DPYD: variants seen among roughly 807,000 people sequenced by gnomAD.
DPYD encodes the protein dihydropyrimidine dehydrogenase, also known as dihydropyrimidine dehydrogenase [NADP(+)].
Under a neutral mutation model 116.2 loss-of-function variants are expected in DPYD, and 109 were observed. The ratio of observed to expected loss-of-function variants is 0.94; its 90% CI spans 0.80 to 1.10. The LOEUF is 1.10. DPYD is among the 50% of genes least tolerant of loss of function. The pLI is 0.00. For missense variants in DPYD, 1,302 were observed against 1,254.5 expected (o/e 1.04, Z -0.57); for synonymous variants, 440 against 432.0 (o/e 1.02, Z -0.23).
At chr1:97,429,285 A>C (rs1471377498) in intron 14 of DPYD, among the ~76,000 whole-genome samples, 1 of 152,038 alleles carries the variant, frequency 6.6e-6, no homozygotes, top group Non-Finnish European at 1.5e-5. Flanking sequence ...ATGCTTTCTA[A>C]GTTGTTTTAT....
chr1:97,650,186 T>G (rs191496521), intron 8 of DPYD, among the ~76,000 whole-genome samples: 2 of 152,094 alleles, frequency 1.3e-5, no homozygotes, highest in Non-Finnish European at 2.9e-5. Context: ...TTATGTGATG[T>G]GTTGTACTGA....
chr1:97,518,866 G>C (rs1648429927), intron 12 of DPYD, among the ~76,000 whole-genome samples: 1 of 151,940 alleles, frequency 6.6e-6, no homozygotes, highest in Non-Finnish European at 1.5e-5. Context: ...TATGTACAAA[G>C]TAAAACTGTG....
At chr1:97,352,966 AG>A (rs1219697877) in intron 16 of DPYD, among the ~76,000 whole-genome samples, 3 of 152,130 alleles carry the variant, frequency 2.0e-5, no homozygotes, top group African/African-American at 7.2e-5. Context: ...AGATCAAGCA[AG>A]GGGGGTGGGG....
At chr1:97,085,133 G>A (rs1025827445) in intron 21 of DPYD, among the ~76,000 whole-genome samples, 4 of 152,074 alleles carry the variant, frequency 2.6e-5, no homozygotes, top group African/African-American at 7.2e-5. Context: ...GGCTGTAAAA[G>A]CCCATTTATA....
intron 14 of DPYD, among the ~76,000 whole-genome samples, chr1:97,423,117 A>G (rs1674674140): frequency 6.6e-6 from 1 of 152,018 alleles, no homozygotes. Context: ...GCTGTCATGG[A>G]AGCAGACAGT....
At chr1:97,724,953 A>AAGAGAGAGAGAGAGAG (rs71590231) in intron 4 of DPYD, among the ~76,000 whole-genome samples, 47 of 118,912 alleles carry the variant, frequency 4.0e-4, no homozygotes, top group African/African-American at 1.0e-3. Flanking sequence ...GAGGGAAGGA[A>AAGAGAGAGAGAGAGAG]AGAGAGAGAG....
At position 97,679,110 on chromosome 1, in the gene DPYD, C is replaced by A; in HGVS notation, c.835G>T (p.Ala279Ser). The A allele has an allele frequency of 1.3e-6, 2 of 1,568,092 alleles. No individual in the cohort carries two copies. Among genetic ancestry groups the A allele is most frequent in the Non-Finnish European group, 1.7e-6 (2 of 1,149,590 alleles). ...AACTACTCACCTATTCCAATGAAAG[C>A]AGCTTTGTAGCCTTTTTCTTTCAAA... ...STLKEKGYKA[A>S]FIGIGLPEPN... The change falls in exon 8 of 23, where the codon GCT becomes TCT. Residue 279 changes from alanine to serine, a missense_variant. Ala to Ser is a moderately conservative substitution (Grantham distance 99, BLOSUM62 1). Transcript: ENST00000370192.
intron 2 of DPYD, among the ~76,000 whole-genome samples, chr1:97,860,444 T>G (rs1314565372): frequency 6.6e-6 from 1 of 152,162 alleles, no homozygotes; most frequent in Non-Finnish European, 1.5e-5. Flanking sequence ...ACATAAGGTA[T>G]TAAGGTATTA....
At chr1:97,616,715 A>G (rs1200952274) in intron 8 of DPYD, among the ~76,000 whole-genome samples, 1 of 152,200 alleles carries the variant, frequency 6.6e-6, no homozygotes, top group Non-Finnish European at 1.5e-5. Context: ...GAAGAAATAT[A>G]TATCCTAGGT....
chr1:97,249,297 T>C (rs1213580241), intron 18 of DPYD, among the ~76,000 whole-genome samples: 1 of 152,050 alleles, frequency 6.6e-6, no homozygotes, highest in East Asian at 1.9e-4. Context: ...AATTAATTTT[T>C]GACCAAGGCA....
intron 2 of DPYD, among the ~76,000 whole-genome samples, chr1:97,868,348 C>A (rs1017041886): frequency 2.0e-5 from 3 of 151,644 alleles, no homozygotes; most frequent in African/African-American, 7.3e-5. Flanking sequence ...AACATACTAT[C>A]TTGATAACAA....
intron 20 of DPYD, among the ~76,000 whole-genome samples, chr1:97,134,012 AAAATATATAT>A (rs1399036877): frequency 1.4e-4 from 7 of 48,800 alleles, no homozygotes; most frequent in Non-Finnish European, 1.9e-4. Flanking sequence ...AAAAAAAAAA[AAAATATATAT>A]ATATATATAT....
intron 18 of DPYD, among the ~76,000 whole-genome samples, chr1:97,293,972 C>T (rs1666369908): frequency 1.3e-5 from 2 of 151,886 alleles, no homozygotes; most frequent in South Asian, 4.2e-4. Context: ...AGTCCAATCA[C>T]TAAATGCTCC....
intron 3 of DPYD, among the ~76,000 whole-genome samples, chr1:97,767,049 G>A (rs940661272): frequency 5.3e-5 from 8 of 152,104 alleles, no homozygotes; most frequent in African/African-American, 1.9e-4. Flanking sequence ...TGAGGGACTT[G>A]GTAACATTTT....
chr1:97,574,589 C>T (rs1045041373), intron 10 of DPYD, among the ~76,000 whole-genome samples: 5 of 152,112 alleles, frequency 3.3e-5, no homozygotes, highest in Admixed American at 1.3e-4. Flanking sequence ...CCAGTTCTTC[C>T]CCATTTCCTA....
chr1:97,744,245 A>C (rs1664425750), intron 3 of DPYD, among the ~76,000 whole-genome samples: 1 of 152,028 alleles, frequency 6.6e-6, no homozygotes, highest in East Asian at 1.9e-4. Flanking sequence ...GAGGCTAGAC[A>C]GTTTGACTCC....
At chr1:97,290,298 C>A (rs1367561997) in intron 18 of DPYD, among the ~76,000 whole-genome samples, 2 of 152,034 alleles carry the variant, frequency 1.3e-5, no homozygotes, top group Non-Finnish European at 2.9e-5. Context: ...CCCCATCAAG[C>A]TACCAATGAC....
Position 97,078,837 on chromosome 1 carries a change from ATTTTGAAATTACAT to A in DPYD, c.*125_*138del. The A allele has an allele frequency of 9.8e-7, 1 of 1,015,712 alleles. No homozygotes were observed. Among genetic ancestry groups the A allele is most frequent in the African/African-American group, 1.6e-5 (1 of 61,740 alleles). The allele number at this position is 1,015,712 out of a possible 1,614,324, so 62.9% of individuals were successfully genotyped here. On this transcript the variant is annotated 3_prime_UTR_variant, in exon 23 of 23. Coordinates refer to ENST00000370192, the MANE Select transcript of DPYD (RefSeq NM_000110.4). ...AGACATTTTTTACACTTACAAATGT[ATTTTGAAATTACAT>A]ATTTTTATTTAGAAAATGTATATTT...
chr1:97,089,286 C>T (rs539324661), intron 21 of DPYD, among the ~76,000 whole-genome samples: 4 of 152,222 alleles, frequency 2.6e-5, no homozygotes, highest in East Asian at 1.9e-4. Context: ...GGAAAGCATT[C>T]GGGGGACTTT....
Sources: gnomAD v4.1 joint callset for allele counts (sites outside exome capture counted in the v4.1 genomes callset) on GRCh38, gnomAD v4.1.1 for gene constraint, MANE v1.5 for transcripts, NCBI Gene and HGNC (gene_info 2026-07-23, HGNC 2026-07-21) for gene names.